Variants in MLKL observed in about 807,000 individuals in gnomAD.
MLKL encodes the protein mixed lineage kinase domain like pseudokinase.
A neutral mutation model predicts 56.5 loss-of-function variants in MLKL; 55 were observed. That is an observed-to-expected ratio of 0.97 (90% CI 0.78 to 1.22). MLKL has a LOEUF of 1.22. Ranked by LOEUF, MLKL falls within the 50% of genes most tolerant of loss-of-function variation. The pLI, the probability that MLKL is intolerant of heterozygous loss-of-function variation, is 0.00. For missense variants in MLKL, 694 were observed against 573.9 expected, an observed-to-expected ratio of 1.21 and a Z score of -2.14; for synonymous variants, 251 against 208.3, an observed-to-expected ratio of 1.20 and a Z score of -1.76.
At chr16:74,682,833 C>T (rs199538416) in intron 5 of MLKL, 47 bp from the exon 6 acceptor site, 1 of 1,604,584 alleles carries the variant, frequency 6.2e-7, no homozygotes, top group Non-Finnish European at 8.5e-7. Context: ...CTACTTGAAG[C>T]TTCCCATGTC....
At chr16:74,679,012 C>A (rs1468639002) in intron 6 of MLKL, 32 bp from the exon 7 acceptor site, 1 of 1,580,610 alleles carries the variant, frequency 6.3e-7, no homozygotes, top group Admixed American at 1.7e-5. Context: ...AGCATAAGTA[C>A]CTTTGCCCAA....
At position 74,692,337 on chromosome 16, in the gene MLKL, C is replaced by G; in HGVS notation, c.535+5G>C. ...TCAGAAACAGCAGGGCACATGATAA[C>G]TTACACTGCCTCAAAGTTTCCTTGA... is the stretch of plus-strand genomic sequence containing the variant. On this transcript the variant is annotated splice_donor_5th_base_variant and intron_variant, in intron 3 of 10. Transcript: ENST00000308807. The G allele has an allele frequency of 6.2e-7, 1 of 1,613,110 alleles. No individual in the cohort carries two copies. Among genetic ancestry groups the G allele is most frequent in the Non-Finnish European group, 8.5e-7 (1 of 1,179,542 alleles).
At chr16:74,681,518 G>C (rs1452052800) in intron 6 of MLKL, among the ~76,000 whole-genome samples, 1 of 152,002 alleles carries the variant, frequency 6.6e-6, no homozygotes, top group African/African-American at 2.4e-5. Flanking sequence ...ACACGGCCGG[G>C]CGCGGTGGCT....
chr16:74,675,687 T>G lies in MLKL; in HGVS notation c.1116A>C (p.Lys372Asn). 2 of 1,614,148 alleles carry G rather than the reference T, an allele frequency of 1.2e-6. No individual in the cohort carries two copies. Among genetic ancestry groups the G allele is most frequent in the South Asian group, 1.1e-5 (1 of 91,082 alleles). The change falls in exon 8 of 11, where the codon AAA becomes AAC. Residue 372 changes from lysine to asparagine, a missense_variant. By Grantham distance (94) the Lys-to-Asn change is moderately conservative. Transcript: ENST00000308807. ...GTTREKTDRV[K>N]STAYLSPQEL... ...CCTGAGGTGAGAGATATGCTGTAGA[T>G]TTGACTCTGTCTGTCTTTTCTCTCG... is the stretch of plus-strand genomic sequence containing the variant.
At chr16:74,674,722 C>T (rs980728602) in intron 10 of MLKL, among the ~76,000 whole-genome samples, 11 of 152,138 alleles carry the variant, frequency 7.2e-5, no homozygotes, top group Admixed American at 2.6e-4. Context: ...GAATTACAGG[C>T]ATGAGCAACC....
Position 74,675,724 on chromosome 16 carries a change from C to A in MLKL, c.1079G>T (p.Ser360Ile). The part of the protein sequence containing the change: ...FELRKTQTSM[S>I]LGTTREKTDR... ...TGTCTTTTCTCTCGTAGTTCCCAAACTCATGGAAGTCTGTGTTTTCCTCAA... is the reference window on the plus strand; with the variant it reads ...TGTCTTTTCTCTCGTAGTTCCCAAAATCATGGAAGTCTGTGTTTTCCTCAA... Residue 360 changes from serine (S) to isoleucine (I), a missense_variant, in exon 8 of 11, where the codon AGT becomes ATT. Transcript: ENST00000308807. The A allele has an allele frequency of 6.2e-7, 1 of 1,614,154 alleles. No homozygotes were observed.
Position 74,685,195 on chromosome 16 carries a change from C to A in MLKL, c.820+291G>T, listed in dbSNP as rs372612459. ...TAATGTTTTAGAGCAACAAGATGCA[C>A]CCCTCTTCCAGGCTGGCATCTAAAC... On this transcript the variant is annotated intron_variant, in intron 5 of 10. Coordinates refer to ENST00000308807, the MANE Select transcript of MLKL (RefSeq NM_152649.4). Among the ~76,000 whole-genome samples the A allele has an allele frequency of 1.2e-4, 18 of 152,240 alleles. No individual in the cohort carries two copies. In the South Asian group the frequency reaches 2.7e-3, roughly 23 times the overall value.
intron 5 of MLKL, among the ~76,000 whole-genome samples, chr16:74,685,250 AAGG>A (rs1215124610): frequency 6.6e-6 from 1 of 152,154 alleles, no homozygotes; most frequent in Non-Finnish European, 1.5e-5. Flanking sequence ...AGTGGGCTGA[AAGG>A]AGAAGATGTG....
At chr16:74,688,977 T>C (rs1301373870) in intron 4 of MLKL, among the ~76,000 whole-genome samples, 1 of 152,180 alleles carries the variant, frequency 6.6e-6, no homozygotes, top group Admixed American at 6.6e-5. Context: ...CCATTTACAT[T>C]GAAGATTCAG....
chr16:74,690,367 T>C (rs1369313680), intron 4 of MLKL, among the ~76,000 whole-genome samples: 3 of 152,188 alleles, frequency 2.0e-5, no homozygotes, highest in Non-Finnish European at 4.4e-5. Context: ...ACATATCCCA[T>C]GGCCCATCAT....
At chr16:74,683,974 G>A (rs1960159206) in intron 5 of MLKL, among the ~76,000 whole-genome samples, 1 of 152,088 alleles carries the variant, frequency 6.6e-6, no homozygotes, top group African/African-American at 2.4e-5. Context: ...TTGAGACAGA[G>A]TCTAGCTCTG....
At chr16:74,681,110 C>T (rs1239968250) in intron 6 of MLKL, among the ~76,000 whole-genome samples, 4 of 152,120 alleles carry the variant, frequency 2.6e-5, no homozygotes, top group Non-Finnish European at 4.4e-5. Context: ...TTGAAACCTC[C>T]GCCTCCTGGG....
rs1359307283 is a variant in MLKL at position 74,695,617 on chromosome 16, G to C, written c.141C>G (p.Asp47Glu). The change falls in exon 2 of 11, where the codon GAC (aspartate) becomes GAG (glutamate). Residue 47 changes from aspartate (D) to glutamate (E), a missense_variant. By Grantham distance (45) the Asp-to-Glu change is conservative. Transcript: ENST00000308807. The part of the protein sequence containing the change: ...GLIKPLEMLQ[D>E]QGKRSVPSEK... The stretch of plus-strand genomic sequence containing the variant: ...CAGAGGGCACGCTCCTCTTTCCTTG[G>C]TCCTGGAGCATCTCCAGAGGCTTGA... The C allele has an allele frequency of 1.4e-5, 22 of 1,614,066 alleles. No individual in the cohort carries two copies. Among genetic ancestry groups the C allele is most frequent in the Non-Finnish European group, 1.9e-5 (22 of 1,180,060 alleles).
chr16:74,674,841 T>G (rs1315183188), intron 10 of MLKL, 119 bp downstream of exon 10: 2 of 1,226,980 alleles, frequency 1.6e-6, no homozygotes, highest in Non-Finnish European at 2.3e-6. Flanking sequence ...CACTAAATGT[T>G]CCCCGGATAA....
At chr16:74,676,372 A>T (rs1303332738) in intron 7 of MLKL, 14 of 985,330 alleles carry the variant, frequency 1.4e-5, no homozygotes, top group Middle Eastern at 5.2e-4. Context: ...CCTGCCATTG[A>T]CACCATTGGT....
In MLKL at chr16:74,672,390, C is replaced by T. The variant is rs1363929303; in HGVS notation, c.*114G>A. 7.8e-6 allele frequency: 7 copies of T among 901,412 alleles called. No homozygotes were observed. In the African/African-American group the frequency reaches 8.4e-5, roughly 11 times the overall value. The allele number at this position is 901,412 out of a possible 1,614,324, so 55.8% of individuals were successfully genotyped here. A position where few individuals can be genotyped will look rare whatever the true frequency, so the allele number is the denominator to read the frequency against. On this transcript the variant is annotated 3_prime_UTR_variant, in exon 11 of 11. Coordinates refer to ENST00000308807, the MANE Select transcript of MLKL (RefSeq NM_152649.4). ...TCTATTTGTAACAGAGAAGCGTGCC[C>T]ACTCCTTGCACCCATAGATAACCCA...
At chr16:74,693,468 AG>A (rs375668618) in intron 2 of MLKL, among the ~76,000 whole-genome samples, 14,653 of 82,190 alleles carry the variant, frequency 0.18, 1,638 homozygotes, top group East Asian at 0.42. Context: ...AAAAAAAAAA[AG>A]AAAAGAAAAA....
At chr16:74,697,517 G>C (rs537855608) in intron 1 of MLKL, among the ~76,000 whole-genome samples, 18 of 152,226 alleles carry the variant, frequency 1.2e-4, no homozygotes, top group African/African-American at 3.6e-4. Context: ...GGAACCCCCA[G>C]CTCTCCATGG....
chr16:74,695,848 T>G lies in MLKL; in HGVS notation c.-2-89A>C, dbSNP rs566862866. 9.0e-4 allele frequency: 1,086 copies of G among 1,202,820 alleles called. 13 individuals are homozygous for G. In the East Asian group the frequency reaches 0.022, roughly 24 times the overall value. The allele number at this position is 1,202,820 out of a possible 1,614,324, so 74.5% of individuals were successfully genotyped here. ...AGAAAGAATCAAAGCGGTCTGTGACTTAAATGCCTGAGGAGGTCTCCCCAG... is the reference window on the plus strand; with the variant it reads ...AGAAAGAATCAAAGCGGTCTGTGACGTAAATGCCTGAGGAGGTCTCCCCAG... On this transcript the variant is annotated intron_variant, in intron 1 of 10. Transcript: ENST00000308807.
Sources: gnomAD v4.1 joint callset for allele counts (sites outside exome capture counted in the v4.1 genomes callset) on GRCh38, gnomAD v4.1.1 for gene constraint, MANE v1.5 for transcripts, NCBI Gene and HGNC (gene_info 2026-07-23, HGNC 2026-07-21) for gene names.